EBF2: variants seen among roughly 807,000 people sequenced by gnomAD.
EBF2 encodes the protein transcription factor COE2.
Under a neutral mutation model 72.8 loss-of-function variants are expected in EBF2, and 21 were observed. The ratio of observed to expected loss-of-function variants is 0.29; its 90% CI spans 0.20 to 0.42. EBF2 has a LOEUF of 0.42. Among genes scored for constraint, EBF2 ranks in the 10% least tolerant of loss-of-function variants. EBF2 has a pLI of 1.00. For synonymous variants in EBF2, 299 were observed against 274.2 expected (o/e 1.09, Z -0.89); for missense variants, 637 against 731.2 (o/e 0.87, Z 1.49).
chr8:26,035,664 G>T (rs1313289340), intron 5 of EBF2, among the ~76,000 whole-genome samples: 1 of 152,158 alleles, frequency 6.6e-6, no homozygotes, highest in African/African-American at 2.4e-5. Context: ...GAGGTTTTAA[G>T]AAATTTAATC....
At chr8:25,936,952 TA>T (rs5890268) in intron 6 of EBF2, among the ~76,000 whole-genome samples, 21,439 of 152,154 alleles carry the variant, frequency 0.14, 1,694 homozygotes, top group African/African-American at 0.19. Context: ...TAATTCCTAT[TA>T]AAGACCGATA....
At chr8:25,959,097 G>A (rs568824807) in intron 6 of EBF2, among the ~76,000 whole-genome samples, 1 of 152,302 alleles carries the variant, frequency 6.6e-6, no homozygotes, top group East Asian at 1.9e-4. Flanking sequence ...TGGAGGAATG[G>A]CCATTCCATT....
At chr8:25,855,588 A>G (rs1436142278) in intron 14 of EBF2, among the ~76,000 whole-genome samples, 2 of 152,182 alleles carry the variant, frequency 1.3e-5, no homozygotes, top group Non-Finnish European at 2.9e-5. Context: ...CATTTTAAAA[A>G]AAATCATAGA....
chr8:25,948,212 C>A (rs1803803461), intron 6 of EBF2, among the ~76,000 whole-genome samples: 3 of 152,172 alleles, frequency 2.0e-5, no homozygotes, highest in Non-Finnish European at 2.9e-5. Flanking sequence ...CTTGAAGAAA[C>A]CAAAAATGAC....
intron 5 of EBF2, among the ~76,000 whole-genome samples, chr8:26,033,458 G>A (rs1805442272): frequency 6.6e-6 from 1 of 152,196 alleles, no homozygotes; most frequent in Non-Finnish European, 1.5e-5. Flanking sequence ...TTGAACTCCT[G>A]ACCTCAGGTG....
At chr8:25,866,804 G>A (rs1291338444) in intron 10 of EBF2, among the ~76,000 whole-genome samples, 1 of 150,622 alleles carries the variant, frequency 6.6e-6, no homozygotes, top group Non-Finnish European at 1.5e-5. Context: ...GCTAATTTTT[G>A]TATTTTTAGT....
intron 6 of EBF2, among the ~76,000 whole-genome samples, chr8:25,926,622 T>C (rs1046693424): frequency 2.6e-5 from 4 of 152,318 alleles, no homozygotes; most frequent in South Asian, 2.1e-4. Context: ...CCCATCTCTA[T>C]GACACTCATT....
At chr8:25,957,213 C>A (rs573055746) in intron 6 of EBF2, among the ~76,000 whole-genome samples, 2 of 152,292 alleles carry the variant, frequency 1.3e-5, no homozygotes, top group East Asian at 3.9e-4. Context: ...AAGAGCAAAT[C>A]TTTCTTTCCC....
chr8:25,892,211 A>G (rs183373319), intron 7 of EBF2, among the ~76,000 whole-genome samples: 52 of 152,334 alleles, frequency 3.4e-4, no homozygotes, highest in Non-Finnish European at 6.0e-4. Flanking sequence ...AAATAGAACA[A>G]TTATAAAAAG....
At chr8:26,033,302 TCAC>T in intron 5 of EBF2, 149 bp from the exon 6 acceptor site, 2 of 719,212 alleles carry the variant, frequency 2.8e-6, no homozygotes, top group Middle Eastern at 3.7e-4. Flanking sequence ...CCTTCTTGGC[TCAC>T]CACAACCTCT....
intron 6 of EBF2, among the ~76,000 whole-genome samples, chr8:25,990,966 T>C (rs1437767090): frequency 6.6e-6 from 1 of 152,220 alleles, no homozygotes; most frequent in African/African-American, 2.4e-5. Flanking sequence ...TATGCTCCAG[T>C]GGAAACTGCT....
intron 6 of EBF2, among the ~76,000 whole-genome samples, chr8:26,018,496 CAAAAAAAA>C (rs10555042): frequency 0.011 from 900 of 81,658 alleles, 8 homozygotes; most frequent in African/African-American, 0.038. Context: ...ACTAAAAATA[CAAAAAAAA>C]AAAAAAAAAA....
At chr8:25,952,239 T>C (rs1394055829) in intron 6 of EBF2, among the ~76,000 whole-genome samples, 12 of 152,110 alleles carry the variant, frequency 7.9e-5, no homozygotes, top group Admixed American at 7.9e-4. Flanking sequence ...GAGGCTAGAG[T>C]GATCCATGAT....
At chr8:25,912,994 A>C (rs148624711) in intron 6 of EBF2, among the ~76,000 whole-genome samples, 1 of 152,162 alleles carries the variant, frequency 6.6e-6, no homozygotes, top group African/African-American at 2.4e-5. Context: ...AGGAAAGGTA[A>C]CTACTTAATA....
chr8:25,990,792 AT>A (rs2117209259), intron 6 of EBF2, among the ~76,000 whole-genome samples: 1 of 152,340 alleles, frequency 6.6e-6, no homozygotes, highest in South Asian at 2.1e-4. Context: ...GTACCTTATA[AT>A]TATAAACACA....
intron 6 of EBF2, among the ~76,000 whole-genome samples, chr8:25,914,777 T>G (rs2117127391): frequency 6.6e-6 from 1 of 152,362 alleles, no homozygotes; most frequent in East Asian, 1.9e-4. Context: ...CCGAATCCAT[T>G]TAGTTAAACA....
intron 6 of EBF2, among the ~76,000 whole-genome samples, chr8:26,017,916 CAGGT>C (rs928593551): frequency 2.0e-4 from 30 of 152,278 alleles, no homozygotes; most frequent in African/African-American, 7.0e-4. Context: ...TTTCGCGTAT[CAGGT>C]TAATGCATGC....
intron 6 of EBF2, among the ~76,000 whole-genome samples, chr8:25,927,180 T>G (rs776735829): frequency 1.3e-5 from 2 of 152,016 alleles, no homozygotes; most frequent in Non-Finnish European, 2.9e-5. Flanking sequence ...AAAAAAAAAT[T>G]CTGCCTCAAA....
intron 6 of EBF2, among the ~76,000 whole-genome samples, chr8:25,926,714 C>G (rs1174681387): frequency 6.6e-6 from 1 of 152,178 alleles, no homozygotes; most frequent in Non-Finnish European, 1.5e-5. Context: ...TTCCCAGGCT[C>G]TTTCCTAAGA....
Sources: allele counts gnomAD v4.1 joint callset (sites outside exome capture counted in the v4.1 genomes callset), GRCh38; gene constraint gnomAD v4.1.1; transcripts MANE v1.5; gene names NCBI Gene and HGNC (gene_info 2026-07-23, HGNC 2026-07-21).